PSAP: variants seen among roughly 807,000 people sequenced by gnomAD.
The protein encoded by PSAP is prosaposin, also known as precursor of saposins.
In PSAP, 25 loss-of-function variants were observed where a neutral mutation model predicts 66.0. The observed-to-expected ratio is 0.38, with a 90% confidence interval of 0.28 to 0.53. PSAP has a LOEUF of 0.53. PSAP is among the 20% of genes least tolerant of loss of function. The pLI, the probability that PSAP is intolerant of heterozygous loss-of-function variation, is 0.83. For missense variants in PSAP, 649 were observed against 668.8 expected, an observed-to-expected ratio of 0.97 and a Z score of 0.33; for synonymous variants, 273 against 258.9, an observed-to-expected ratio of 1.05 and a Z score of -0.52.
intron 6 of PSAP, 106 bp from the exon 7 acceptor site, chr10:71,825,999 C>A: frequency 1.1e-6 from 1 of 937,686 alleles, no homozygotes; most frequent in Non-Finnish European, 1.7e-6. Flanking sequence ...TGGTGACTAT[C>A]AAGCAAGTTT....
chr10:71,820,134 C>A (rs568549684), intron 9 of PSAP, 106 bp downstream of exon 9: 3 of 1,087,758 alleles, frequency 2.8e-6, no homozygotes, highest in African/African-American at 3.1e-5. Context: ...TGGCTGTACA[C>A]ATGTCAAGGC....
intron 1 of PSAP, among the ~76,000 whole-genome samples, chr10:71,849,357 CTT>C (rs1344310807): frequency 2.0e-5 from 3 of 152,232 alleles, no homozygotes; most frequent in Admixed American, 1.3e-4. Context: ...CTGTCATCCA[CTT>C]TGTTACTTTT....
At chr10:71,851,022 A>G (rs1479170728) in intron 1 of PSAP, among the ~76,000 whole-genome samples, 160 bp downstream of exon 1, 1 of 152,232 alleles carries the variant, frequency 6.6e-6, no homozygotes, top group African/African-American at 2.4e-5. Flanking sequence ...AGCCGCCCAG[A>G]GAAAGCCAGA....
intron 2 of PSAP, among the ~76,000 whole-genome samples, 165 bp downstream of exon 2, chr10:71,834,207 T>C (rs533031368): frequency 6.6e-6 from 1 of 152,284 alleles, no homozygotes; most frequent in African/African-American, 2.4e-5. Flanking sequence ...TGCTGTAAAA[T>C]GGGTACATTC....
At chr10:71,834,229 C>T (rs1842577527) in intron 2 of PSAP, 143 bp downstream of exon 2, 2 of 1,353,420 alleles carry the variant, frequency 1.5e-6, no homozygotes, top group Non-Finnish European at 2.0e-6. Flanking sequence ...CCAATAGGTC[C>T]TGCCTCCCAC....
At chr10:71,835,465 G>A (rs943586030) in intron 1 of PSAP, among the ~76,000 whole-genome samples, 1 of 151,844 alleles carries the variant, frequency 6.6e-6, no homozygotes, top group Admixed American at 6.6e-5. Context: ...CCAGCTACTC[G>A]AGAGACTGAG....
intron 1 of PSAP, among the ~76,000 whole-genome samples, chr10:71,848,698 C>T (rs1842870113): frequency 6.6e-6 from 1 of 152,188 alleles, no homozygotes; most frequent in Non-Finnish European, 1.5e-5. Context: ...GCCTCTCGGG[C>T]AGCAGACAAT....
At chr10:71,826,435 G>A (rs751227533) in intron 6 of PSAP, among the ~76,000 whole-genome samples, 6 of 152,216 alleles carry the variant, frequency 3.9e-5, no homozygotes, top group Admixed American at 6.5e-5. Flanking sequence ...AGGACCAAAG[G>A]TAACATGATA....
At chr10:71,848,672 G>A (rs371737981) in intron 1 of PSAP, among the ~76,000 whole-genome samples, 9 of 152,336 alleles carry the variant, frequency 5.9e-5, no homozygotes, top group East Asian at 5.8e-4. Flanking sequence ...ACAGTGTCAC[G>A]AAGAAAGTTC....
chr10:71,833,773 C>T (rs895321181), intron 2 of PSAP, among the ~76,000 whole-genome samples: 12 of 152,192 alleles, frequency 7.9e-5, no homozygotes, highest in African/African-American at 1.9e-4. Flanking sequence ...CACATTAATA[C>T]GCTACATTTA....
intron 7 of PSAP, 46 bp downstream of exon 7, chr10:71,825,791 T>C (rs1842390693): frequency 6.4e-7 from 1 of 1,564,492 alleles, no homozygotes; most frequent in Middle Eastern, 1.7e-4. Context: ...TGACGAAACC[T>C]GAAAAACAAA....
intron 1 of PSAP, among the ~76,000 whole-genome samples, chr10:71,843,384 G>A (rs1477449480): frequency 1.3e-5 from 2 of 152,116 alleles, no homozygotes; most frequent in Non-Finnish European, 2.9e-5. Flanking sequence ...TAGTGCTATA[G>A]GAAGCCACAT....
chr10:71,831,936 C>T lies in PSAP; in HGVS notation c.175-16G>A, dbSNP rs772354701. The T allele has an allele frequency of 8.7e-6, 14 of 1,611,760 alleles. No homozygotes were observed. The highest frequency in any genetic ancestry group is 2.7e-5 in the African/African-American group (2 of 74,842). The stretch of plus-strand genomic sequence containing the variant: ...GAAGGGATTTCTAAGAGAAAGAATA[C>T]GAGAAATTTGTATTTGCAGGACACA... On this transcript the variant is annotated splice_polypyrimidine_tract_variant and intron_variant, in intron 2 of 13. Coordinates refer to ENST00000394936, the MANE Select transcript of PSAP (RefSeq NM_002778.4).
At chr10:71,838,006 G>A (rs888832580) in intron 1 of PSAP, among the ~76,000 whole-genome samples, 2 of 152,184 alleles carry the variant, frequency 1.3e-5, no homozygotes, top group East Asian at 1.9e-4. Context: ...CCCCGTGGGC[G>A]ATACTGCAGG....
chr10:71,821,159 T>A (rs937695691), intron 8 of PSAP, among the ~76,000 whole-genome samples: 2 of 152,160 alleles, frequency 1.3e-5, no homozygotes, highest in African/African-American at 2.4e-5. Context: ...GGTCACACAC[T>A]CTGCACATGC....
intron 6 of PSAP, 84 bp downstream of exon 6, chr10:71,827,930 T>C (rs1589450847): frequency 1.3e-6 from 2 of 1,560,988 alleles, no homozygotes; most frequent in East Asian, 4.6e-5. Context: ...AAGAGAAGGA[T>C]GTTGTCTGAA....
chr10:71,846,607 C>T, intron 1 of PSAP, among the ~76,000 whole-genome samples: 1 of 151,748 alleles, frequency 6.6e-6, no homozygotes, highest in Non-Finnish European at 1.5e-5. Context: ...TGCCTGCAAT[C>T]CCAGCTATCA....
chr10:71,823,762 A>C, intron 7 of PSAP: 1 of 640,908 alleles, frequency 1.6e-6, no homozygotes, highest in Non-Finnish European at 2.4e-6. Context: ...ACAGAGAGGG[A>C]GCCTGCCTCT....
At chr10:71,828,803 CCT>C (rs1842449174) in intron 5 of PSAP, 72 bp downstream of exon 5, 2 of 1,538,140 alleles carry the variant, frequency 1.3e-6, no homozygotes, top group South Asian at 1.1e-5. Context: ...CCACACGTGC[CCT>C]CTCTGTCCCT....
Sources: allele counts gnomAD v4.1 joint callset (sites outside exome capture counted in the v4.1 genomes callset), GRCh38; gene constraint gnomAD v4.1.1; transcripts MANE v1.5; gene names NCBI Gene and HGNC (gene_info 2026-07-23, HGNC 2026-07-21).